The following SPTBN2 variants were observed in gnomAD, a reference collection of about 807,000 sequenced individuals.
SPTBN2 encodes the protein spectrin beta, non-erythrocytic 2.
In SPTBN2, 107 loss-of-function variants were observed where a neutral mutation model predicts 284.2. That is an observed-to-expected ratio of 0.38 (90% confidence interval 0.32 to 0.44). The LOEUF is 0.44. Among genes scored for constraint, SPTBN2 ranks in the 20% least tolerant of loss-of-function variants. The pLI, the probability that SPTBN2 is intolerant of heterozygous loss-of-function variation, is 1.00. For synonymous variants in SPTBN2, 1,289 were observed against 1,354.8 expected, an observed-to-expected ratio of 0.95 and a Z score of 1.07; for missense variants, 2,569 against 3,287.1, an observed-to-expected ratio of 0.78 and a Z score of 5.34.
rs749226138 is a variant in SPTBN2 at position 66,686,408 on chromosome 11, G to A, written c.6929C>T (p.Ala2310Val). ...CGAAGGACAGCTCACCTCATCCTTGGCCTGGAATAAATATTCTTTTCCATC... is the reference window on the plus strand; with the variant it reads ...CGAAGGACAGCTCACCTCATCCTTGACCTGGAATAAATATTCTTTTCCATC... ...LQDGKEYLFQAKDEAEMSSWL... is the reference protein window; with the variant it reads ...LQDGKEYLFQVKDEAEMSSWL... Residue 2310 changes from alanine (A) to valine (V), a missense_variant, in exon 37 of 38, where the codon GCC (alanine) becomes GTC (valine). By Grantham distance (64) the Ala-to-Val change is moderately conservative (BLOSUM62 0). Transcript: ENST00000533211. The A allele has an allele frequency of 3.3e-5, 54 of 1,613,996 alleles. No homozygotes were observed. Among genetic ancestry groups the A allele is most frequent in the Non-Finnish European group, 4.1e-5 (48 of 1,179,986 alleles).
At chr11:66,701,535 A>G (rs756892723) in intron 16 of SPTBN2, 49 bp downstream of exon 16, 129 of 1,613,160 alleles carry the variant, frequency 8.0e-5, no homozygotes, top group Non-Finnish European at 1.0e-4. Flanking sequence ...TGCCATCCCC[A>G]TTGCTTCATT....
In SPTBN2 at chr11:66,685,841, G is replaced by A. The variant is rs202211032; in HGVS notation, c.*30C>T. The A allele has an allele frequency of 8.1e-5, 130 of 1,600,478 alleles. No individual in the cohort carries two copies. The highest frequency in any genetic ancestry group is 7.3e-4 in the South Asian group (66 of 90,660). On this transcript the variant is annotated 3_prime_UTR_variant, in exon 38 of 38. Coordinates refer to ENST00000533211, the MANE Select transcript of SPTBN2 (RefSeq NM_006946.4). This position sits in a 1 kb window ranked among gnomAD's most constrained non-coding sequence, Gnocchi z 4.4. ...TCCCTGGCAGTTTCCTGAACGGAGG[G>A]AGGGAGTTGGCCTGGGACCTTGCCC...
chr11:66,698,457 C>T (rs1941055861), intron 20 of SPTBN2, among the ~76,000 whole-genome samples, 182 bp downstream of exon 20: 1 of 152,256 alleles, frequency 6.6e-6, no homozygotes, highest in South Asian at 2.1e-4. Flanking sequence ...TCTGGACTCA[C>T]TGTCCCACTC....
intron 29 of SPTBN2, among the ~76,000 whole-genome samples, 195 bp downstream of exon 29, chr11:66,689,610 C>T (rs978022251): frequency 1.3e-5 from 2 of 152,150 alleles, no homozygotes; most frequent in African/African-American, 4.8e-5. Flanking sequence ...GGCCCAGGAC[C>T]AGTGATTTCT....
upstream of SPTBN2, among the ~76,000 whole-genome samples, chr11:66,730,904 A>G (rs556562563): frequency 1.3e-5 from 2 of 152,350 alleles, no homozygotes; most frequent in African/African-American, 4.8e-5. Flanking sequence ...TAGAAACTCC[A>G]GGTCTTCTGA....
rs1428616774 is a variant in SPTBN2 at position 66,729,153 on chromosome 11, G to A, written c.-526C>T. The A allele has an allele frequency of 6.6e-6, 1 of 152,368 alleles. No homozygotes were observed. The highest frequency in any genetic ancestry group is 2.4e-5 in the African/African-American group (1 of 41,432). 9.4% of individuals were successfully genotyped at this position (152,368 alleles called of 1,614,324 possible). A position where few individuals can be genotyped will look rare whatever the true frequency, so the allele number is the denominator to read the frequency against. On this transcript the variant is annotated 5_prime_UTR_variant, in exon 1 of 38. Transcript: ENST00000533211. Reference sequence around the variant, plus strand: ...CTCCTTGGTTTGTTAGCGTCTGAGTGGTCTAAGGTCCAAGGTCCTTAACCA... The same window carrying A: ...CTCCTTGGTTTGTTAGCGTCTGAGTAGTCTAAGGTCCAAGGTCCTTAACCA...
At chr11:66,698,403 C>T (rs1001579139) in intron 20 of SPTBN2, among the ~76,000 whole-genome samples, 1 of 152,238 alleles carries the variant, frequency 6.6e-6, no homozygotes, top group African/African-American at 2.4e-5. Flanking sequence ...GCGTTAAATC[C>T]AGGCTGCAGT....
Position 66,700,776 on chromosome 11 carries a change from G to A in SPTBN2, c.3323C>T (p.Ala1108Val), listed in dbSNP as rs767182832. The change falls in exon 17 of 38, where the codon GCA (alanine) becomes GTA (valine). Residue 1108 changes from alanine to valine, a missense_variant. By Grantham distance (64) the Ala-to-Val change is moderately conservative. This residue lies in a region of SPTBN2 where 1,012 missense variants were observed against 1,248.9 expected (regional missense o/e 0.81). Coordinates refer to ENST00000533211, the MANE Select transcript of SPTBN2 (RefSeq NM_006946.4). The surrounding 1 kb of genome is among the most constrained non-coding windows in gnomAD (Gnocchi z 6.6). Reference protein sequence around the residue: ...PEAEALLAQHAALRGEVERAQ... With the variant: ...PEAEALLAQHVALRGEVERAQ... ...CCGCTCCACCTCTCCCCGCAGGGCT[G>A]CATGTTGGGCCAGGAGGGCCTCTGC... The A allele has an allele frequency of 6.2e-7, 1 of 1,601,892 alleles. No individual in the cohort carries two copies. The highest frequency in any genetic ancestry group is 8.5e-7 in the Non-Finnish European group (1 of 1,179,790).
chr11:66,716,024 T>G (rs767202697), intron 3 of SPTBN2, 43 bp from the exon 4 acceptor site: 2 of 1,612,760 alleles, frequency 1.2e-6, no homozygotes, highest in South Asian at 2.2e-5. Context: ...TCGAGTTCAG[T>G]ATGCCTGCTT....
At chr11:66,692,475 C>T in intron 26 of SPTBN2, 61 bp downstream of exon 26, 11 of 1,585,850 alleles carry the variant, frequency 6.9e-6, no homozygotes, top group Non-Finnish European at 9.4e-6. Context: ...GTCCTAGTCT[C>T]CCTGTGGGTC....
At position 66,716,015 on chromosome 11, in the gene SPTBN2, C is replaced by T. The variant is rs761542521; in HGVS notation, c.158-34G>A. On this transcript the variant is annotated intron_variant, in intron 3 of 37. Transcript: ENST00000533211. ...GCAACATGGGTTTATTTCTGTCCCT[C>T]GAGTTCAGTATGCCTGCTTCTAAAC... 1.4e-5 allele frequency: 22 copies of T among 1,613,040 alleles called. No homozygotes were observed. The East Asian group carries it at 4.0e-4, about 29-fold the overall frequency.
intron 1 of SPTBN2, among the ~76,000 whole-genome samples, chr11:66,724,351 A>C (rs996908751): frequency 3.3e-5 from 5 of 151,978 alleles, no homozygotes; most frequent in Non-Finnish European, 5.9e-5. Flanking sequence ...TGAACCCAGG[A>C]GGTGGAGGTT....
At chr11:66,739,282 G>C (rs1030797432) in intron 1 of SPTBN2, among the ~76,000 whole-genome samples, 1 of 152,130 alleles carries the variant, frequency 6.6e-6, no homozygotes, top group African/African-American at 2.4e-5. Context: ...GCTCAACTAA[G>C]GTTCCAGAAA....
At position 66,688,863 on chromosome 11, in the gene SPTBN2, G is replaced by A; in HGVS notation, c.6035-14C>T. 2 of 1,610,468 alleles carry A rather than the reference G, an allele frequency of 1.2e-6. No homozygotes were observed. Among genetic ancestry groups the A allele is most frequent in the Non-Finnish European group, 1.7e-6 (2 of 1,179,976 alleles). ...GCACCTCCAAAACTGGCAGGATCGG[G>A]GGTTGCAGGAAGATGGTGGGTCAGA... On this transcript the variant is annotated splice_polypyrimidine_tract_variant and intron_variant, in intron 30 of 37. Transcript: ENST00000533211.
In SPTBN2 at chr11:66,686,098, T is replaced by C; in HGVS notation, c.6946A>G (p.Met2316Val). The change falls in exon 38 of 38, where the codon ATG becomes GTG. Residue 2316 changes from methionine (M) to valine (V), a missense_variant. Coordinates refer to ENST00000533211, the MANE Select transcript of SPTBN2 (RefSeq NM_006946.4). ...TTCACCACCCGTAGCCACGAGCTCATCTCTGCCTGTGGATGGAAAGACCCT... is the reference window on the plus strand; with the variant it reads ...TTCACCACCCGTAGCCACGAGCTCACCTCTGCCTGTGGATGGAAAGACCCT... ...YLFQAKDEAEMSSWLRVVNAA... is the reference protein window; with the variant it reads ...YLFQAKDEAEVSSWLRVVNAA... 6.2e-7 allele frequency: 1 copy of C among 1,613,020 alleles called. No individual in the cohort carries two copies. Among genetic ancestry groups the C allele is most frequent in the Non-Finnish European group, 8.5e-7 (1 of 1,179,530 alleles).
rs1456404549 is a variant in SPTBN2 at position 66,708,237 on chromosome 11, G to A, written c.1254C>T (p.Ile418=). ...CCAGCTGCTCCAGCTTCTCCTGGCG[G>A]ATGAGCTCGGTGCGCAGGGCCAGCT... is the stretch of plus-strand genomic sequence containing the variant. ...ERELALRTEL[I]RQEKLEQLAA... The change falls in exon 12 of 38, where the codon ATC becomes ATT. Residue 418 remains isoleucine, a synonymous_variant. Coordinates refer to ENST00000533211, the MANE Select transcript of SPTBN2 (RefSeq NM_006946.4). The surrounding 1 kb of genome is among the most constrained non-coding windows in gnomAD (Gnocchi z 4.4). 6.2e-7 allele frequency: 1 copy of A among 1,610,808 alleles called. No homozygotes were observed. Among genetic ancestry groups the A allele is most frequent in the African/African-American group, 1.3e-5 (1 of 74,916 alleles).
intron 1 of SPTBN2, chr11:66,744,492 C>T (rs1240278279): frequency 1.1e-5 from 2 of 179,548 alleles, no homozygotes; most frequent in Non-Finnish European, 2.3e-5. Context: ...CCGTGGGAAA[C>T]TATCTTTGAG....
chr11:66,698,020 T>C (rs570922304), intron 20 of SPTBN2, among the ~76,000 whole-genome samples: 2 of 152,246 alleles, frequency 1.3e-5, no homozygotes, highest in South Asian at 2.1e-4. Context: ...CCATGTTCTG[T>C]AGGGATACTT....
At chr11:66,689,322 T>C in intron 29 of SPTBN2, 142 bp from the exon 30 acceptor site, 1 of 866,610 alleles carries the variant, frequency 1.2e-6, no homozygotes, top group South Asian at 1.7e-5. Flanking sequence ...TCACCAAGGC[T>C]GGAATGCAGT....
Sources: allele counts gnomAD v4.1 joint callset (sites outside exome capture counted in the v4.1 genomes callset), GRCh38; gene constraint gnomAD v4.1.1; regional missense constraint gnomAD v4.1.1; non-coding constraint Gnocchi (gnomAD v3.1); transcripts MANE v1.5; gene names NCBI Gene and HGNC (gene_info 2026-07-23, HGNC 2026-07-21).